Variants in POU5F1 observed in about 807,000 individuals in gnomAD.
POU5F1 encodes the protein POU domain, class 5, transcription factor 1.
A neutral mutation model predicts 38.3 loss-of-function variants in POU5F1; 6 were observed. The ratio of observed to expected loss-of-function variants is 0.16; its 90% CI spans 0.09 to 0.31. POU5F1 has a LOEUF of 0.31. Among genes scored for constraint, POU5F1 ranks in the 10% least tolerant of loss-of-function variants. The pLI is 1.00. For missense variants in POU5F1, 286 were observed against 462.6 expected, an observed-to-expected ratio of 0.62 and a Z score of 3.50; for synonymous variants, 147 against 194.9, an observed-to-expected ratio of 0.75 and a Z score of 2.05.
chr6:31,168,501 C>T (rs1777446119), intron 1 of POU5F1, among the ~76,000 whole-genome samples: 1 of 152,160 alleles, frequency 6.6e-6, no homozygotes, highest in Non-Finnish European at 1.5e-5. Flanking sequence ...TCCCAAAGTG[C>T]CTGGCCACAC....
At chr6:31,167,133 C>T (rs767061672) in intron 1 of POU5F1, 2 of 420,390 alleles carry the variant, frequency 4.8e-6, no homozygotes, top group Non-Finnish European at 9.0e-6. Flanking sequence ...TTCAAGTTGC[C>T]CACTTGGATC....
At position 31,164,803 on chromosome 6, in the gene POU5F1, T is replaced by C. The variant is rs1777079901; in HGVS notation, c.881A>G (p.Gln294Arg). 6.2e-7 allele frequency: 1 copy of C among 1,612,920 alleles called. No homozygotes were observed. Residue 294 changes from glutamine to arginine, a missense_variant, in exon 5 of 5, where the codon CAA becomes CGA. By Grantham distance (43) the Gln-to-Arg change is conservative. This residue lies in a region of POU5F1 where 110 missense variants were observed against 277.8 expected (regional missense o/e 0.40). Coordinates refer to ENST00000259915, the MANE Select transcript of POU5F1 (RefSeq NM_002701.6). ...CCCAGCAGCCTCAAAATCCTCTCGT[T>C]GTGCATAGTCGCTGCTTGATCGCTT... ...KGKRSSSDYA[Q>R]REDFEAAGSP... is the part of the protein sequence containing the mutation.
At chr6:31,170,182 T>G in intron 1 of POU5F1, 34 bp downstream of exon 1, 1 of 1,612,478 alleles carries the variant, frequency 6.2e-7, no homozygotes, top group Non-Finnish European at 8.5e-7. Context: ...CATGACCACC[T>G]CCCCACACCC....
chr6:31,168,183 C>T (rs1211552928), intron 1 of POU5F1, among the ~76,000 whole-genome samples: 2 of 151,344 alleles, frequency 1.3e-5, no homozygotes, highest in Non-Finnish European at 2.9e-5. Flanking sequence ...ATCTGTCCAC[C>T]TTGGCCTCCC....
Position 31,170,213 on chromosome 6 carries a change from T to G in POU5F1, c.405+3A>C. The G allele has an allele frequency of 6.2e-7, 1 of 1,612,870 alleles. No homozygotes were observed. Among genetic ancestry groups the G allele is most frequent in the South Asian group, 1.1e-5 (1 of 91,076 alleles). ...CACCCCAACCCCGTCGAAGCTCACTTGCCTCCTCCGGGTTTTGCTCCAGCT... is the reference window on the plus strand; with the variant it reads ...CACCCCAACCCCGTCGAAGCTCACTGGCCTCCTCCGGGTTTTGCTCCAGCT... On this transcript the variant is annotated splice_donor_region_variant and intron_variant, in intron 1 of 4. Coordinates refer to ENST00000259915, the MANE Select transcript of POU5F1 (RefSeq NM_002701.6).
At position 31,165,521 on chromosome 6, in the gene POU5F1, A is replaced by C. The variant is rs1561854965; in HGVS notation, c.657+50T>G. 1.2e-6 allele frequency: 2 copies of C among 1,611,534 alleles called. No individual in the cohort carries two copies. The highest frequency in any genetic ancestry group is 1.7e-6 in the Non-Finnish European group (2 of 1,179,642). ...ACGAGCCAGTGATGGAAGCAATGGAAATTAGGCCAAGAAAGGGAAGGTCCC... is the reference window on the plus strand; with the variant it reads ...ACGAGCCAGTGATGGAAGCAATGGACATTAGGCCAAGAAAGGGAAGGTCCC... On this transcript the variant is annotated intron_variant, in intron 3 of 4. Coordinates refer to ENST00000259915, the MANE Select transcript of POU5F1 (RefSeq NM_002701.6). This position sits in a 1 kb window ranked among gnomAD's most constrained non-coding sequence, Gnocchi z 6.5.
chr6:31,164,755 A>T lies in POU5F1; in HGVS notation c.929T>A (p.Val310Glu). 1 of 1,610,136 alleles carries T rather than the reference A, an allele frequency of 6.2e-7. No individual in the cohort carries two copies. Among genetic ancestry groups the T allele is most frequent in the South Asian group, 1.1e-5 (1 of 90,412 alleles). The change falls in exon 5 of 5, where the codon GTG becomes GAG. Residue 310 changes from valine (V) to glutamate (E), a missense_variant. Around this residue, in one of 2 missense-constraint regions of POU5F1, gnomAD observed 110 missense variants for 277.8 expected, o/e 0.40. Transcript: ENST00000259915. ...GGGCCCTGGGGCCAGAGGAAAGGAC[A>T]CTGGTCCCCCTGAGAAAGGAGACCC... is the stretch of plus-strand genomic sequence containing the variant. ...AAGSPFSGGP[V>E]SFPLAPGPHF...
chr6:31,168,892 C>G (rs1325675982), intron 1 of POU5F1, among the ~76,000 whole-genome samples: 1 of 152,150 alleles, frequency 6.6e-6, no homozygotes, highest in African/African-American at 2.4e-5. Flanking sequence ...TGCCGGCAGA[C>G]AGAGGTGCAC....
In POU5F1 at chr6:31,165,890, G is replaced by A. The variant is rs761338834; in HGVS notation, c.526+37C>T. 3.1e-6 allele frequency: 5 copies of A among 1,613,248 alleles called. No individual in the cohort carries two copies. Among genetic ancestry groups the A allele is most frequent in the Non-Finnish European group, 2.5e-6 (3 of 1,179,486 alleles). ...ACTAGGTTCAGGGATACTCCTTAGA[G>A]GGGAGATGCGGTCAGAATCTGCAGA... On this transcript the variant is annotated intron_variant, in intron 2 of 4. Transcript: ENST00000259915. The surrounding 1 kb of genome is among the most constrained non-coding windows in gnomAD (Gnocchi z 6.5).
intron 1 of POU5F1, 28 bp from the exon 2 acceptor site, chr6:31,166,075 A>T (rs760230615): frequency 6.2e-7 from 1 of 1,614,230 alleles, no homozygotes; most frequent in Non-Finnish European, 8.5e-7. Flanking sequence ...GAAGACTTGT[A>T]AGAACATAAA....
At position 31,166,341 on chromosome 6, in the gene POU5F1, C is replaced by T. The variant is rs752409659; in HGVS notation, c.406-294G>A. ...AGGACAGAAAGAGAGACCCTGGCCT[C>T]GAGAACACCTGTCAGGTTATGAAGG... On this transcript the variant is annotated intron_variant, in intron 1 of 4. Transcript: ENST00000259915. 4.1e-5 allele frequency: 59 copies of T among 1,438,500 alleles called. No individual in the cohort carries two copies. In the Middle Eastern group the frequency reaches 5.4e-4, roughly 13 times the overall value. The allele number at this position is 1,438,500 out of a possible 1,614,324, so 89.1% of individuals were successfully genotyped here.
rs1189080995 is a variant in POU5F1 at position 31,165,098 on chromosome 6, A to G, written c.816+30T>C. 3.8e-6 allele frequency: 6 copies of G among 1,598,748 alleles called. No homozygotes were observed. The highest frequency in any genetic ancestry group is 5.1e-6 in the Non-Finnish European group (6 of 1,173,070). On this transcript the variant is annotated intron_variant, in intron 4 of 4. Transcript: ENST00000259915. This position sits in a 1 kb window ranked among gnomAD's most constrained non-coding sequence, Gnocchi z 6.5. Reference sequence around the variant, plus strand: ...AGCGAGGTGGTGACAGGGGAAAGAGATGGAGCCCGCAGAGAGACATGGCAC... The same window carrying G: ...AGCGAGGTGGTGACAGGGGAAAGAGGTGGAGCCCGCAGAGAGACATGGCAC...
rs531214913 is a variant in POU5F1, at chr6:31,168,543, G to A, written c.405+1673C>T. ...AAACACTGACTCTAGTTGACGTGTT[G>A]GCCACAGACAGTAGGGAGGAAGCAG... On this transcript the variant is annotated intron_variant, in intron 1 of 4. Coordinates refer to ENST00000259915, the MANE Select transcript of POU5F1 (RefSeq NM_002701.6). Among the ~76,000 whole-genome samples the A allele has an allele frequency of 2.0e-5, 3 of 152,284 alleles. No individual in the cohort carries two copies. The South Asian group carries it at 6.2e-4, about 32-fold the overall frequency.
chr6:31,165,792 G>T lies in POU5F1; in HGVS notation c.527-91C>A. On this transcript the variant is annotated intron_variant, in intron 2 of 4. Coordinates refer to ENST00000259915, the MANE Select transcript of POU5F1 (RefSeq NM_002701.6). The surrounding 1 kb of genome is among the most constrained non-coding windows in gnomAD (Gnocchi z 6.5). ...TCCAAGCTTACCACCTCTTCCCAGA[G>T]GGAGCTCAAAGCATCTTCTCCCTCT... The T allele has an allele frequency of 1.3e-6, 2 of 1,503,254 alleles. No homozygotes were observed. Among genetic ancestry groups the T allele is most frequent in the Non-Finnish European group, 1.8e-6 (2 of 1,125,236 alleles). The allele number at this position is 1,503,254 out of a possible 1,614,324, so 93.1% of individuals were successfully genotyped here. A position where few individuals can be genotyped will look rare whatever the true frequency, so the allele number is the denominator to read the frequency against.
In POU5F1 at chr6:31,170,267, G is replaced by T; in HGVS notation, c.354C>A (p.Thr118=). ...DGASPEPCTV[T]PGAVKLEKEK... The stretch of plus-strand genomic sequence containing the variant: ...CCTTCTCCAGCTTCACGGCACCAGG[G>T]GTGACGGTGCAGGGCTCCGGGGAGG... The change falls in exon 1 of 5, where the codon ACC becomes ACA. Residue 118 remains threonine, a synonymous_variant. Transcript: ENST00000259915. The T allele has an allele frequency of 3.1e-6, 5 of 1,612,910 alleles. No individual in the cohort carries two copies. Among genetic ancestry groups the T allele is most frequent in the Non-Finnish European group, 4.2e-6 (5 of 1,179,838 alleles).
intron 1 of POU5F1, among the ~76,000 whole-genome samples, chr6:31,167,394 AT>A (rs1024144187): frequency 2.0e-5 from 3 of 150,882 alleles, no homozygotes; most frequent in Non-Finnish European, 3.0e-5. Context: ...TCTATTTAAA[AT>A]ATATATATAT....
rs569052370 is a variant in POU5F1 at position 31,164,921 on chromosome 6, C to T, written c.817-54G>A. 6,682 of 1,550,700 alleles carry T rather than the reference C, an allele frequency of 4.3e-3. 93 individuals carry two copies. Among genetic ancestry groups the T allele is most frequent in the South Asian group, 0.031 (2,654 of 86,474 alleles). On this transcript the variant is annotated intron_variant, in intron 4 of 4. Transcript: ENST00000259915. ...ACATTAGACAATGAGCTGAGACGGG[C>T]CTGACTCTGCTTGGACATTCTATCC...
rs555862994 is a variant in POU5F1 at position 31,165,089 on chromosome 6, G to T, written c.816+39C>A. On this transcript the variant is annotated intron_variant, in intron 4 of 4. Coordinates refer to ENST00000259915, the MANE Select transcript of POU5F1 (RefSeq NM_002701.6). This position sits in a 1 kb window ranked among gnomAD's most constrained non-coding sequence, Gnocchi z 6.5. Reference sequence around the variant, plus strand: ...GCTAGGGAAAGCGAGGTGGTGACAGGGGAAAGAGATGGAGCCCGCAGAGAG... The same window carrying T: ...GCTAGGGAAAGCGAGGTGGTGACAGTGGAAAGAGATGGAGCCCGCAGAGAG... 6.3e-7 allele frequency: 1 copy of T among 1,594,870 alleles called. No homozygotes were observed. The highest frequency in any genetic ancestry group is 8.5e-7 in the Non-Finnish European group (1 of 1,171,178).
chr6:31,169,914 TGA>T (rs1048316345), intron 1 of POU5F1: 5 of 532,026 alleles, frequency 9.4e-6, no homozygotes, highest in Non-Finnish European at 1.3e-5. Context: ...CTAGGAGATG[TGA>T]GAGACCCTGA....
Sources: gnomAD v4.1 joint callset for allele counts (sites outside exome capture counted in the v4.1 genomes callset) on GRCh38, gnomAD v4.1.1 for gene constraint, gnomAD v4.1.1 regional missense constraint, Gnocchi (gnomAD v3.1) non-coding constraint, MANE v1.5 for transcripts, NCBI Gene and HGNC (gene_info 2026-07-23, HGNC 2026-07-21) for gene names.